Variants in ARHGAP24 observed in about 807,000 individuals in gnomAD.
ARHGAP24 encodes Rho GTPase activating protein 24.
A neutral mutation model predicts 76.4 loss-of-function variants in ARHGAP24; 50 were observed. The observed-to-expected ratio is 0.65, with a 90% CI of 0.52 to 0.83. The LOEUF is 0.83. Among genes scored for constraint, ARHGAP24 ranks in the 40% least tolerant of loss-of-function variants. The probability of loss-of-function intolerance (pLI) is 0.00; values close to 1 mark genes in which losing one functional copy is unlikely to be tolerated. For synonymous variants in ARHGAP24, 345 were observed against 323.3 expected, an observed-to-expected ratio of 1.07 and a Z score of -0.72; for missense variants, 930 against 914.2, an observed-to-expected ratio of 1.02 and a Z score of -0.22.
intron 3 of ARHGAP24, among the ~76,000 whole-genome samples, chr4:85,734,191 C>A (rs1042893485): frequency 3.9e-5 from 6 of 152,110 alleles, no homozygotes; most frequent in Non-Finnish European, 7.3e-5. Context: ...GAGGGCTGCC[C>A]AGGGGAAGAA....
At chr4:85,735,133 C>T (rs934687481) in intron 3 of ARHGAP24, among the ~76,000 whole-genome samples, 2 of 152,064 alleles carry the variant, frequency 1.3e-5, no homozygotes, top group Non-Finnish European at 2.9e-5. Flanking sequence ...ATTTTGGCTC[C>T]TGTGTGTATT....
At chr4:85,654,043 T>C (rs1415580914) in intron 2 of ARHGAP24, among the ~76,000 whole-genome samples, 1 of 152,118 alleles carries the variant, frequency 6.6e-6, no homozygotes, top group East Asian at 1.9e-4. Context: ...ATTACAAAAA[T>C]ACACTAGTCA....
chr4:85,782,511 G>A (rs1351869714), intron 3 of ARHGAP24, among the ~76,000 whole-genome samples: 1 of 152,196 alleles, frequency 6.6e-6, no homozygotes, highest in East Asian at 1.9e-4. Context: ...ACAACCTTAT[G>A]AGAATTCTCC....
intron 3 of ARHGAP24, among the ~76,000 whole-genome samples, chr4:85,813,947 A>G (rs1729126054): frequency 6.6e-6 from 1 of 151,716 alleles, no homozygotes; most frequent in Non-Finnish European, 1.5e-5. Context: ...TTACAGTTTC[A>G]CGTGGCTGGG....
At chr4:85,937,953 A>G (rs1198093369) in intron 4 of ARHGAP24, among the ~76,000 whole-genome samples, 1 of 152,186 alleles carries the variant, frequency 6.6e-6, no homozygotes, top group Admixed American at 6.5e-5. Context: ...ATCTTTGCTT[A>G]TTTATTTTCA....
chr4:85,840,682 G>A (rs1231876133), intron 3 of ARHGAP24, among the ~76,000 whole-genome samples: 4 of 152,162 alleles, frequency 2.6e-5, no homozygotes, highest in African/African-American at 9.7e-5. Flanking sequence ...CTCTACCTGT[G>A]ATGGATCAAC....
chr4:85,549,880 G>T (rs907613387), intron 1 of ARHGAP24, among the ~76,000 whole-genome samples: 1 of 152,124 alleles, frequency 6.6e-6, no homozygotes, highest in Non-Finnish European at 1.5e-5. Flanking sequence ...CTGTTCCTGT[G>T]TCAGTTCTCT....
At chr4:85,910,427 T>C (rs1288356678) in intron 3 of ARHGAP24, among the ~76,000 whole-genome samples, 2 of 152,088 alleles carry the variant, frequency 1.3e-5, no homozygotes, top group African/African-American at 4.8e-5. Context: ...GCAAGCAAAA[T>C]GAAGAGGAGC....
At chr4:85,736,105 A>G (rs1725596360) in intron 3 of ARHGAP24, among the ~76,000 whole-genome samples, 1 of 152,160 alleles carries the variant, frequency 6.6e-6, no homozygotes, top group Non-Finnish European at 1.5e-5. Flanking sequence ...CAAGATTCAT[A>G]AGATAACTAC....
intron 1 of ARHGAP24, among the ~76,000 whole-genome samples, chr4:85,522,874 G>A (rs1724840105): frequency 6.6e-6 from 1 of 152,152 alleles, no homozygotes; most frequent in South Asian, 2.1e-4. Context: ...CCCACTTAGA[G>A]GTATGTAGAA....
At chr4:85,940,689 A>G (rs1736907047) in intron 4 of ARHGAP24, among the ~76,000 whole-genome samples, 1 of 152,158 alleles carries the variant, frequency 6.6e-6, no homozygotes, top group Non-Finnish European at 1.5e-5. Context: ...ATCTGCTCTA[A>G]TCTTTATTGC....
At chr4:85,818,048 T>C (rs1254381950) in intron 3 of ARHGAP24, among the ~76,000 whole-genome samples, 1 of 152,226 alleles carries the variant, frequency 6.6e-6, no homozygotes, top group Non-Finnish European at 1.5e-5. Context: ...ATAGAAAATA[T>C]GCAGATGGTT....
At chr4:85,866,250 A>C (rs1361089027) in intron 3 of ARHGAP24, among the ~76,000 whole-genome samples, 2 of 152,178 alleles carry the variant, frequency 1.3e-5, no homozygotes, top group Non-Finnish European at 2.9e-5. Flanking sequence ...TCAGTGACAA[A>C]GACAGAGCTA....
intron 3 of ARHGAP24, among the ~76,000 whole-genome samples, chr4:85,785,144 A>G (rs568568697): frequency 2.1e-4 from 32 of 152,252 alleles, no homozygotes; most frequent in Admixed American, 3.9e-4. Context: ...TGTGTTACTC[A>G]GTTTCAGGGT....
At chr4:85,568,859 G>T (rs1726956910) in intron 1 of ARHGAP24, among the ~76,000 whole-genome samples, 1 of 152,164 alleles carries the variant, frequency 6.6e-6, no homozygotes, top group Admixed American at 6.5e-5. Context: ...GAAGATTAAG[G>T]CAAGGATAGT....
intron 3 of ARHGAP24, among the ~76,000 whole-genome samples, chr4:85,862,588 G>T (rs1731963244): frequency 6.6e-6 from 1 of 151,972 alleles, no homozygotes; most frequent in Non-Finnish European, 1.5e-5. Context: ...GCTTTAACAG[G>T]GCTCACCCCC....
intron 2 of ARHGAP24, among the ~76,000 whole-genome samples, chr4:85,609,260 CT>C (rs1268687357): frequency 6.6e-6 from 1 of 152,146 alleles, no homozygotes; most frequent in Non-Finnish European, 1.5e-5. Flanking sequence ...TGAATTTTCT[CT>C]TCATTGAGAA....
chr4:85,624,319 C>T (rs1256615254), intron 2 of ARHGAP24, among the ~76,000 whole-genome samples: 2 of 151,978 alleles, frequency 1.3e-5, no homozygotes, highest in Admixed American at 6.6e-5. Flanking sequence ...TTGTCAAAGG[C>T]CTTTTCTGCA....
At chr4:85,615,324 G>GT (rs1720510595) in intron 2 of ARHGAP24, among the ~76,000 whole-genome samples, 1 of 151,708 alleles carries the variant, frequency 6.6e-6, no homozygotes, top group Non-Finnish European at 1.5e-5. Flanking sequence ...TTCTTTATCT[G>GT]TAAGTCATGT....
Sources: gnomAD v4.1 joint callset for allele counts (sites outside exome capture counted in the v4.1 genomes callset) on GRCh38, gnomAD v4.1.1 for gene constraint, MANE v1.5 for transcripts, NCBI Gene and HGNC (gene_info 2026-07-23, HGNC 2026-07-21) for gene names.